The following PAXIP1 variants were observed in gnomAD, a reference collection of about 807,000 sequenced individuals.
PAXIP1 encodes PAX-interacting protein 1.
In PAXIP1, 19 loss-of-function variants were observed where a neutral mutation model predicts 140.6. That is an observed-to-expected ratio of 0.14 (90% CI 0.09 to 0.20). The LOEUF (loss-of-function observed/expected upper bound fraction) is 0.20, where lower values mean the gene tolerates loss of function less well. Among genes scored for constraint, PAXIP1 ranks in the 10% least tolerant of loss-of-function variants. The probability of loss-of-function intolerance (pLI) is 1.00; values close to 1 mark genes in which losing one functional copy is unlikely to be tolerated. For missense variants in PAXIP1, 920 were observed against 1,208.6 expected (o/e 0.76, Z 3.54); for synonymous variants, 442 against 444.6 (o/e 0.99, Z 0.07).
At chr7:154,960,057 G>A (rs1342030731) in intron 12 of PAXIP1, 124 bp from the exon 13 acceptor site, 39 of 678,554 alleles carry the variant, frequency 5.7e-5, no homozygotes, top group Non-Finnish European at 7.6e-5. Flanking sequence ...ACTTAATAAG[G>A]ATAAATGTAA....
At chr7:154,971,818 C>T in intron 6 of PAXIP1, among the ~76,000 whole-genome samples, 1 of 152,162 alleles carries the variant, frequency 6.6e-6, no homozygotes, top group East Asian at 1.9e-4. Context: ...TTACACTCCC[C>T]CCAACAATCT....
chr7:154,990,238 G>T (rs866534876), intron 4 of PAXIP1, among the ~76,000 whole-genome samples: 1 of 151,770 alleles, frequency 6.6e-6, no homozygotes, highest in Non-Finnish European at 1.5e-5. Context: ...ACGGGGTTTC[G>T]CCACGTTTGC....
chr7:154,962,176 G>T, intron 10 of PAXIP1, 145 bp downstream of exon 10: 2 of 720,820 alleles, frequency 2.8e-6, no homozygotes, highest in Non-Finnish European at 4.6e-6. Flanking sequence ...TTTCTTATGA[G>T]CAGGCACTTA....
At chr7:154,966,778 C>G (rs2150755381) in intron 8 of PAXIP1, among the ~76,000 whole-genome samples, 1 of 152,312 alleles carries the variant, frequency 6.6e-6, no homozygotes, top group African/African-American at 2.4e-5. Context: ...TTAAAATGCA[C>G]AGCTGATCAC....
chr7:154,953,776 T>C (rs1808387736), intron 16 of PAXIP1, among the ~76,000 whole-genome samples: 2 of 152,240 alleles, frequency 1.3e-5, no homozygotes, highest in African/African-American at 2.4e-5. Flanking sequence ...CATGTCTAAA[T>C]GTGCCTGTTA....
In PAXIP1 at chr7:154,993,811, C is replaced by A. The variant is rs1332774708; in HGVS notation, c.217-42G>T. On this transcript the variant is annotated intron_variant, in intron 2 of 20. Transcript: ENST00000404141. ...TAAATCAAAAAGTATTCTCAATTTA[C>A]AAGTGGCATATTATTTTACTAGTGT... The A allele has an allele frequency of 6.9e-6, 10 of 1,445,350 alleles. No homozygotes were observed. The East Asian group carries it at 2.5e-4, about 36-fold the overall frequency. 89.5% of individuals were successfully genotyped at this position (1,445,350 alleles called of 1,614,324 possible). A position where few individuals can be genotyped will look rare whatever the true frequency, so the allele number is the denominator to read the frequency against.
rs1350376943 is a variant in PAXIP1, at chr7:154,988,301, T to A, written c.324+2705A>T. Among the ~76,000 whole-genome samples the A allele has an allele frequency of 2.6e-5, 4 of 152,154 alleles. No individual in the cohort carries two copies. The East Asian group carries it at 5.8e-4, about 22-fold the overall frequency. On this transcript the variant is annotated intron_variant, in intron 4 of 20. Coordinates refer to ENST00000404141, the MANE Select transcript of PAXIP1 (RefSeq NM_007349.4). ...CTTTCAGGGCCACTCACACCTTACA[T>A]CCACTCTGTCAAGGCTTCCCTCGCC...
At chr7:154,955,757 G>T in intron 14 of PAXIP1, 126 bp from the exon 15 acceptor site, 1 of 539,676 alleles carries the variant, frequency 1.9e-6, no homozygotes, top group Admixed American at 3.8e-5. Context: ...TATTCTTAAA[G>T]GAAAAATACA....
rs1296099780 is a variant in PAXIP1, at chr7:155,002,831, C to T, written c.81+18G>A. On this transcript the variant is annotated intron_variant, in intron 1 of 20. Transcript: ENST00000404141. ...ACGCGGACGGGGGAGGAGGCCGCGG[C>T]AGGGGCGGGCGCGGTACCTGCGGGT... 3 of 1,313,588 alleles carry T rather than the reference C, an allele frequency of 2.3e-6. No individual in the cohort carries two copies. The Admixed American group carries it at 7.8e-5, about 34-fold the overall frequency. The allele number at this position is 1,313,588 out of a possible 1,614,324, so 81.4% of individuals were successfully genotyped here. A position where few individuals can be genotyped will look rare whatever the true frequency, so the allele number is the denominator to read the frequency against.
rs2150746396 is a variant in PAXIP1, at chr7:154,956,874, C to G, written c.2549+350G>C. On this transcript the variant is annotated intron_variant, in intron 14 of 20. Transcript: ENST00000404141. The surrounding 1 kb of genome is among the most constrained non-coding windows in gnomAD (Gnocchi z 4.2). Reference sequence around the variant, plus strand: ...CTACACGCTCTCTTGGCATGTACAGCAGGTTCTTCAGCCGTGCCCAGGAGG... The same window carrying G: ...CTACACGCTCTCTTGGCATGTACAGGAGGTTCTTCAGCCGTGCCCAGGAGG... 5.3e-6 allele frequency: 1 copy of G among 187,296 alleles called. No homozygotes were observed. Among genetic ancestry groups the G allele is most frequent in the Middle Eastern group, 2.2e-3 (1 of 448 alleles). The allele number at this position is 187,296 out of a possible 1,614,324, so 11.6% of individuals were successfully genotyped here.
chr7:154,990,606 C>T (rs1810285564), intron 4 of PAXIP1, among the ~76,000 whole-genome samples: 1 of 152,092 alleles, frequency 6.6e-6, no homozygotes, highest in Non-Finnish European at 1.5e-5. Context: ...ATTAGTAATT[C>T]CTCTTTATAG....
intron 8 of PAXIP1, 150 bp downstream of exon 8, chr7:154,967,666 G>A (rs1809083330): frequency 1.7e-6 from 1 of 594,892 alleles, no homozygotes; most frequent in African/African-American, 1.9e-5. Flanking sequence ...TGTGCCTCAG[G>A]TCACACAGAA....
At position 154,956,804 on chromosome 7, in the gene PAXIP1, G is replaced by C. The variant is rs377004574; in HGVS notation, c.2549+420C>G. 6.4e-6 allele frequency: 1 copy of C among 156,120 alleles called. No individual in the cohort carries two copies. Among genetic ancestry groups the C allele is most frequent in the South Asian group, 2.0e-4 (1 of 5,106 alleles). The allele number at this position is 156,120 out of a possible 1,614,324, so 9.7% of individuals were successfully genotyped here. A position where few individuals can be genotyped will look rare whatever the true frequency, so the allele number is the denominator to read the frequency against. On this transcript the variant is annotated intron_variant, in intron 14 of 20. Coordinates refer to ENST00000404141, the MANE Select transcript of PAXIP1 (RefSeq NM_007349.4). This position sits in a 1 kb window ranked among gnomAD's most constrained non-coding sequence, Gnocchi z 4.2. Reference sequence around the variant, plus strand: ...TCTCTCGGCACCTACATGCTCTCTCGGCACCTACATGCTCTCTCGGCAGCC... The same window carrying C: ...TCTCTCGGCACCTACATGCTCTCTCCGCACCTACATGCTCTCTCGGCAGCC...
chr7:154,956,946 C>A lies in PAXIP1; in HGVS notation c.2549+278G>T, dbSNP rs1341800713. The A allele has an allele frequency of 1.4e-5, 4 of 282,406 alleles. No individual in the cohort carries two copies. Among genetic ancestry groups the A allele is most frequent in the African/African-American group, 2.2e-5 (1 of 44,818 alleles). 17.5% of individuals were successfully genotyped at this position (282,406 alleles called of 1,614,324 possible). A position where few individuals can be genotyped will look rare whatever the true frequency, so the allele number is the denominator to read the frequency against. ...TCTGAGCTGGGTTCTAGACCTCCCACCCCACTTCCACCACTGCAACTTCTG... is the reference window on the plus strand; with the variant it reads ...TCTGAGCTGGGTTCTAGACCTCCCAACCCACTTCCACCACTGCAACTTCTG... On this transcript the variant is annotated intron_variant, in intron 14 of 20. Transcript: ENST00000404141. This position sits in a 1 kb window ranked among gnomAD's most constrained non-coding sequence, Gnocchi z 4.2.
chr7:154,993,527 C>A (rs1242059002), intron 3 of PAXIP1, among the ~76,000 whole-genome samples, 199 bp downstream of exon 3: 1 of 152,044 alleles, frequency 6.6e-6, no homozygotes, highest in Non-Finnish European at 1.5e-5. Context: ...CACAGCTGAG[C>A]CCCCTTTTAA....
intron 13 of PAXIP1, among the ~76,000 whole-genome samples, chr7:154,957,577 C>CT (rs1266450287): frequency 6.6e-6 from 1 of 152,122 alleles, no homozygotes; most frequent in Admixed American, 6.5e-5. Context: ...ATCTTTGTTG[C>CT]TTTTTTTCCT....
intron 8 of PAXIP1, chr7:154,964,326 C>T (rs1459563211): frequency 6.5e-6 from 1 of 152,898 alleles, no homozygotes; most frequent in Admixed American, 6.5e-5. Flanking sequence ...CGGGCTGTGA[C>T]AGCTGCACGA....
intron 16 of PAXIP1, chr7:154,950,245 G>A (rs776234642): frequency 6.6e-6 from 1 of 151,984 alleles, no homozygotes; most frequent in African/African-American, 2.4e-5. Context: ...AAAGGAAGCT[G>A]GACACAGACT....
chr7:155,001,743 C>A (rs1159684236), intron 1 of PAXIP1: 1 of 152,268 alleles, frequency 6.6e-6, no homozygotes, highest in Non-Finnish European at 1.5e-5. Context: ...GGTGATCCAC[C>A]CGCCTTGGCC....
Sources: gnomAD v4.1 joint callset for allele counts (sites outside exome capture counted in the v4.1 genomes callset) on GRCh38, gnomAD v4.1.1 for gene constraint, Gnocchi (gnomAD v3.1) non-coding constraint, MANE v1.5 for transcripts, NCBI Gene and HGNC (gene_info 2026-07-23, HGNC 2026-07-21) for gene names.